Variants in TPST2 observed in about 807,000 individuals in gnomAD.
TPST2 encodes tyrosylprotein sulfotransferase 2, also known as protein-tyrosine sulfotransferase 2.
Under a neutral mutation model 27.8 loss-of-function variants are expected in TPST2, and 16 were observed. That is an observed-to-expected ratio of 0.58 (90% CI 0.39 to 0.88). The LOEUF (loss-of-function observed/expected upper bound fraction) is 0.88, where lower values mean the gene tolerates loss of function less well. Ranked by LOEUF, TPST2 falls within the 40% of genes least tolerant of loss-of-function variation. TPST2 has a pLI of 0.00. For synonymous variants in TPST2, 229 were observed against 231.7 expected (o/e 0.99, Z 0.10); for missense variants, 464 against 543.1 (o/e 0.85, Z 1.45).
chr22:26,575,493 C>T (rs1399008693), intron 1 of TPST2, among the ~76,000 whole-genome samples: 5 of 152,154 alleles, frequency 3.3e-5, no homozygotes, highest in Admixed American at 6.5e-5. Flanking sequence ...CCGGAGACAG[C>T]GACACTATCA....
At chr22:26,576,216 C>A (rs2147236096) in intron 1 of TPST2, among the ~76,000 whole-genome samples, 2 of 152,152 alleles carry the variant, frequency 1.3e-5, no homozygotes, top group Admixed American at 1.3e-4. Context: ...ACCCCATATG[C>A]CTTGGAAGGC....
At chr22:26,563,240 C>A (rs1289236067) in intron 1 of TPST2, among the ~76,000 whole-genome samples, 1 of 152,158 alleles carries the variant, frequency 6.6e-6, no homozygotes, top group Non-Finnish European at 1.5e-5. Flanking sequence ...CAAGACAAAG[C>A]CCCAGCCTCC....
At chr22:26,583,700 C>T (rs1928216331) in intron 1 of TPST2, among the ~76,000 whole-genome samples, 1 of 152,016 alleles carries the variant, frequency 6.6e-6, no homozygotes, top group Admixed American at 6.6e-5. Context: ...ATTAGCTGGG[C>T]GTGGTGGCAT....
chr22:26,532,347 C>A (rs1925212933), intron 5 of TPST2, among the ~76,000 whole-genome samples: 1 of 152,234 alleles, frequency 6.6e-6, no homozygotes, highest in South Asian at 2.1e-4. Context: ...ACGGCGTGAT[C>A]TCAGCTCACT....
At chr22:26,554,532 G>T (rs965711167) in intron 1 of TPST2, among the ~76,000 whole-genome samples, 1 of 152,224 alleles carries the variant, frequency 6.6e-6, no homozygotes, top group Non-Finnish European at 1.5e-5. Context: ...TCCACACCTG[G>T]CTGATTCCTA....
At chr22:26,529,452 C>T (rs191870089) in intron 5 of TPST2, among the ~76,000 whole-genome samples, 14 of 152,262 alleles carry the variant, frequency 9.2e-5, no homozygotes, top group Middle Eastern at 3.4e-3. Flanking sequence ...CTTTAAGCCC[C>T]ACCTGCCTTC....
At chr22:26,564,154 G>A (rs1001612267) in intron 1 of TPST2, among the ~76,000 whole-genome samples, 2 of 152,188 alleles carry the variant, frequency 1.3e-5, no homozygotes, top group Non-Finnish European at 2.9e-5. Flanking sequence ...GACAACCAGC[G>A]CCAGGGGCCA....
chr22:26,571,077 G>A (rs566358129), intron 1 of TPST2, among the ~76,000 whole-genome samples: 9 of 152,192 alleles, frequency 5.9e-5, no homozygotes, highest in East Asian at 3.9e-4. Context: ...CCTCTGCTCC[G>A]CATCCTCCCA....
At chr22:26,528,595 A>G (rs1375277641) in intron 5 of TPST2, among the ~76,000 whole-genome samples, 1 of 152,216 alleles carries the variant, frequency 6.6e-6, no homozygotes, top group Non-Finnish European at 1.5e-5. Flanking sequence ...ACTCTACAAG[A>G]TGGCATTTCA....
intron 1 of TPST2, among the ~76,000 whole-genome samples, chr22:26,587,001 G>C (rs2145945045): frequency 6.6e-6 from 1 of 152,336 alleles, no homozygotes; most frequent in Non-Finnish European, 1.5e-5. Context: ...TCAGGCCTGG[G>C]GGGTGGCCCC....
At chr22:26,580,879 GCACTT>G (rs1410139667) in intron 1 of TPST2, among the ~76,000 whole-genome samples, 17 of 152,042 alleles carry the variant, frequency 1.1e-4, no homozygotes, top group Admixed American at 3.9e-4. Flanking sequence ...CTGTGATTTA[GCACTT>G]CATACTAGGC....
intron 1 of TPST2, among the ~76,000 whole-genome samples, chr22:26,561,239 A>G (rs1927076069): frequency 6.6e-6 from 1 of 152,112 alleles, no homozygotes; most frequent in Non-Finnish European, 1.5e-5. Context: ...CCTTTTAAAG[A>G]AAAAAATTGA....
chr22:26,529,855 T>G (rs981030430), intron 5 of TPST2, among the ~76,000 whole-genome samples: 1 of 151,854 alleles, frequency 6.6e-6, no homozygotes, highest in Middle Eastern at 3.2e-3. Flanking sequence ...TCTCACTGTG[T>G]TGGCCTTGAA....
chr22:26,581,888 C>T (rs1011735321), intron 1 of TPST2, among the ~76,000 whole-genome samples: 3 of 152,236 alleles, frequency 2.0e-5, no homozygotes, highest in African/African-American at 7.2e-5. Context: ...AACTACTCCA[C>T]TCTGCTTTTG....
At chr22:26,548,660 T>C (rs1926268259) in intron 1 of TPST2, among the ~76,000 whole-genome samples, 2 of 151,984 alleles carry the variant, frequency 1.3e-5, no homozygotes, top group Admixed American at 6.6e-5. Context: ...ATGCAAATAT[T>C]CCAAACTCGG....
In TPST2 at chr22:26,559,653, T is replaced by C. The variant is rs139206492; in HGVS notation, c.-160-14978A>G. ...CATAAAAATGGAATCACACAAAGCA[T>C]GTTCTTTAATGACCAGCTTTTTCCA... On this transcript the variant is annotated intron_variant, in intron 1 of 6. Transcript: ENST00000338754. Among the ~76,000 whole-genome samples the C allele has an allele frequency of 6.6e-5, 10 of 152,364 alleles. 1 individual carries two copies. The highest frequency in any genetic ancestry group is 3.9e-4 in the Admixed American group (6 of 15,306).
intron 1 of TPST2, among the ~76,000 whole-genome samples, chr22:26,551,871 T>C (rs1373535392): frequency 7.9e-6 from 1 of 127,314 alleles, no homozygotes; most frequent in African/African-American, 3.1e-5. Flanking sequence ...CTTTTCCTTT[T>C]CTTTTCTTTT....
chr22:26,542,179 T>C (rs1200414851), intron 2 of TPST2, among the ~76,000 whole-genome samples: 1 of 151,128 alleles, frequency 6.6e-6, no homozygotes, highest in East Asian at 2.0e-4. Context: ...GAGGCAGAGC[T>C]TGCAGTGAGC....
intron 1 of TPST2, among the ~76,000 whole-genome samples, chr22:26,569,030 A>T (rs533575192): frequency 2.8e-4 from 43 of 151,486 alleles, no homozygotes; most frequent in African/African-American, 1.0e-3. Context: ...CGCTCAGCTA[A>T]TTTTTCGTAT....
Sources: allele counts gnomAD v4.1 joint callset (sites outside exome capture counted in the v4.1 genomes callset), GRCh38; gene constraint gnomAD v4.1.1; transcripts MANE v1.5; gene names NCBI Gene and HGNC (gene_info 2026-07-23, HGNC 2026-07-21).